Variants in SPTLC1 observed in about 807,000 individuals in gnomAD.
SPTLC1 encodes the protein serine palmitoyltransferase 1.
In SPTLC1, 55 loss-of-function variants were observed where a neutral mutation model predicts 68.9. The observed-to-expected ratio is 0.80, with a 90% CI of 0.64 to 1.00. The LOEUF is 1.00. SPTLC1 is among the 50% of genes least tolerant of loss of function. The probability of loss-of-function intolerance (pLI) is 0.00; values close to 1 mark genes in which losing one functional copy is unlikely to be tolerated. For synonymous variants in SPTLC1, 197 were observed against 201.6 expected, an observed-to-expected ratio of 0.98 and a Z score of 0.19; for missense variants, 449 against 573.1, an observed-to-expected ratio of 0.78 and a Z score of 2.21.
At chr9:92,032,945 T>C (rs1194732538) in intron 14 of SPTLC1, among the ~76,000 whole-genome samples, 1 of 151,604 alleles carries the variant, frequency 6.6e-6, no homozygotes, top group African/African-American at 2.4e-5. Context: ...GGAACTGCAC[T>C]CACAGTCAAC....
chr9:92,089,769 A>G (rs776239002), intron 3 of SPTLC1, among the ~76,000 whole-genome samples: 4 of 152,246 alleles, frequency 2.6e-5, no homozygotes, highest in Non-Finnish European at 5.9e-5. Flanking sequence ...AATCCCAAGT[A>G]GGATAAATAT....
rs560610208 is a variant in SPTLC1, at chr9:92,099,223, G to A, written c.260+9517C>T. On this transcript the variant is annotated intron_variant, in intron 3 of 14. Coordinates refer to ENST00000262554, the MANE Select transcript of SPTLC1 (RefSeq NM_006415.4). ...TCCTGTTAGGGGCACCCAGGGATCG[G>A]CACCACAGCCCAAGGTCTGCACCAG... 1.4e-4 allele frequency among the ~76,000 whole-genome samples: 21 copies of A among 152,290 alleles called. No homozygotes were observed. The South Asian group carries it at 1.7e-3, about 12-fold the overall frequency.
intron 5 of SPTLC1, among the ~76,000 whole-genome samples, chr9:92,071,927 G>A (rs1834507621): frequency 6.6e-6 from 1 of 152,184 alleles, no homozygotes; most frequent in African/African-American, 2.4e-5. Context: ...TGTACCTTGT[G>A]ACATTCTTCC....
intron 3 of SPTLC1, among the ~76,000 whole-genome samples, chr9:92,092,125 T>C (rs1437362576): frequency 2.0e-5 from 3 of 152,162 alleles, no homozygotes; most frequent in African/African-American, 7.2e-5. Flanking sequence ...TGTCAACTAT[T>C]TGAATAATAA....
chr9:92,094,860 C>T (rs1052661882), intron 3 of SPTLC1, among the ~76,000 whole-genome samples: 1 of 152,178 alleles, frequency 6.6e-6, no homozygotes, highest in Non-Finnish European at 1.5e-5. Context: ...GGAGTGCTGA[C>T]AGTAAGCCCG....
intron 1 of SPTLC1, among the ~76,000 whole-genome samples, chr9:92,113,401 A>G (rs1836316005): frequency 6.6e-6 from 1 of 152,194 alleles, no homozygotes; most frequent in Non-Finnish European, 1.5e-5. Flanking sequence ...AAAAGAAATC[A>G]CCCTAAGAAA....
At chr9:92,087,801 G>A (rs1245114868) in intron 3 of SPTLC1, among the ~76,000 whole-genome samples, 1 of 152,242 alleles carries the variant, frequency 6.6e-6, no homozygotes, top group Non-Finnish European at 1.5e-5. Context: ...ATTTAAGTCT[G>A]CAGAGGTTAC....
intron 8 of SPTLC1, among the ~76,000 whole-genome samples, chr9:92,052,539 T>C (rs1196626902): frequency 6.6e-6 from 1 of 151,944 alleles, no homozygotes; most frequent in Non-Finnish European, 1.5e-5. Context: ...TTATTATTTT[T>C]TTTTTTTTGA....
intron 3 of SPTLC1, among the ~76,000 whole-genome samples, chr9:92,089,629 T>C (rs1835284505): frequency 6.6e-6 from 1 of 152,048 alleles, no homozygotes; most frequent in South Asian, 2.1e-4. Flanking sequence ...AGGTTAAAAG[T>C]ACACTAAACA....
At chr9:92,063,903 T>C (rs538487425) in intron 6 of SPTLC1, among the ~76,000 whole-genome samples, 24 of 152,188 alleles carry the variant, frequency 1.6e-4, no homozygotes, top group Non-Finnish European at 2.2e-4. Context: ...CGTAACATTA[T>C]ACTTATTGGT....
At chr9:92,098,052 A>G (rs984912738) in intron 3 of SPTLC1, among the ~76,000 whole-genome samples, 7 of 152,222 alleles carry the variant, frequency 4.6e-5, no homozygotes, top group Admixed American at 3.3e-4. Context: ...GAAGACTCCA[A>G]GATGGCGATC....
At chr9:92,049,496 T>C (rs554766832) in intron 9 of SPTLC1, among the ~76,000 whole-genome samples, 3 of 152,022 alleles carry the variant, frequency 2.0e-5, no homozygotes, top group East Asian at 1.9e-4. Flanking sequence ...CACACACACA[T>C]GCACACACAC....
chr9:92,084,690 G>A (rs539922345), intron 3 of SPTLC1, among the ~76,000 whole-genome samples: 137 of 151,854 alleles, frequency 9.0e-4, no homozygotes, highest in African/African-American at 3.2e-3. Flanking sequence ...AAGGATATTG[G>A]TCTAAAATTC....
chr9:92,081,603 C>T (rs527588012), intron 3 of SPTLC1, among the ~76,000 whole-genome samples: 2 of 152,268 alleles, frequency 1.3e-5, no homozygotes, highest in East Asian at 3.9e-4. Context: ...CTCTGCTGAT[C>T]TATATTCGAG....
In SPTLC1 at chr9:92,112,450, C is replaced by T. The variant is rs765334427; in HGVS notation, c.165+5G>A. The T allele has an allele frequency of 8.9e-6, 14 of 1,574,530 alleles. No individual in the cohort carries two copies. Among genetic ancestry groups the T allele is most frequent in the South Asian group, 2.2e-5 (2 of 90,190 alleles). On this transcript the variant is annotated splice_donor_5th_base_variant and intron_variant, in intron 2 of 14. Transcript: ENST00000262554. ...AATAATTAAAACAGAGATTTAATTTCGTACCTTGACTGTAAGATCAGATCG... is the reference window on the plus strand; with the variant it reads ...AATAATTAAAACAGAGATTTAATTTTGTACCTTGACTGTAAGATCAGATCG...
chr9:92,102,756 CA>C (rs1284995428), intron 3 of SPTLC1, among the ~76,000 whole-genome samples: 3 of 152,178 alleles, frequency 2.0e-5, no homozygotes, highest in African/African-American at 7.2e-5. Flanking sequence ...AAAAGATCTA[CA>C]AAACAACCAG....
At chr9:92,033,188 GA>G (rs1833031457) in intron 14 of SPTLC1, among the ~76,000 whole-genome samples, 1 of 152,220 alleles carries the variant, frequency 6.6e-6, no homozygotes, top group African/African-American at 2.4e-5. Flanking sequence ...CAGAAGCTGG[GA>G]AATAGCATCC....
At chr9:92,044,839 A>C (rs1377506116) in intron 12 of SPTLC1, among the ~76,000 whole-genome samples, 1 of 152,190 alleles carries the variant, frequency 6.6e-6, no homozygotes, top group African/African-American at 2.4e-5. Context: ...CTGTTAGCTA[A>C]AAGTGAGGGG....
intron 9 of SPTLC1, among the ~76,000 whole-genome samples, chr9:92,048,435 AGTTTTGAG>A (rs1484017170): frequency 6.6e-5 from 10 of 152,216 alleles, no homozygotes; most frequent in African/African-American, 1.7e-4. Flanking sequence ...GATCCAGCAG[AGTTTTGAG>A]AAACTCTGCA....
Sources: gnomAD v4.1 joint callset for allele counts (sites outside exome capture counted in the v4.1 genomes callset) on GRCh38, gnomAD v4.1.1 for gene constraint, MANE v1.5 for transcripts, NCBI Gene and HGNC (gene_info 2026-07-23, HGNC 2026-07-21) for gene names.